The following CCDC102B variants were observed in gnomAD, a reference collection of about 807,000 sequenced individuals.
CCDC102B encodes the protein coiled-coil domain containing 102B.
A neutral mutation model predicts 57.4 loss-of-function variants in CCDC102B; 75 were observed. That is an observed-to-expected ratio of 1.31 (90% CI 1.08 to 1.58). The LOEUF is 1.58. Ranked by LOEUF, CCDC102B falls within the 40% of genes most tolerant of loss-of-function variation. CCDC102B has a pLI of 0.00. For missense variants in CCDC102B, 636 were observed against 582.6 expected, an observed-to-expected ratio of 1.09 and a Z score of -0.94; for synonymous variants, 206 against 201.9, an observed-to-expected ratio of 1.02 and a Z score of -0.17.
At chr18:68,876,386 A>G (rs901609890) in intron 5 of CCDC102B, among the ~76,000 whole-genome samples, 6 of 152,264 alleles carry the variant, frequency 3.9e-5, no homozygotes, top group South Asian at 2.1e-4. Flanking sequence ...GCAAATGTGA[A>G]TGATGCTAGG....
intron 7 of CCDC102B, among the ~76,000 whole-genome samples, chr18:69,035,775 G>A (rs1051901575): frequency 6.6e-6 from 1 of 152,078 alleles, no homozygotes; most frequent in Non-Finnish European, 1.5e-5. Flanking sequence ...AATTTACTCT[G>A]TATTAATGAT....
chr18:68,718,275 TATA>T (rs1300243682), intron 2 of CCDC102B: 1 of 152,188 alleles, frequency 6.6e-6, no homozygotes, highest in Non-Finnish European at 1.5e-5. Flanking sequence ...TGTCTAATAG[TATA>T]ATAGAGTAGA....
rs143482676 is a variant in CCDC102B, at chr18:68,897,429, G to T, written c.1263+1G>T. On this transcript the variant is annotated splice_donor_variant, in intron 6 of 7. Transcript: ENST00000360242. LOFTEE classifies it high-confidence loss of function. Reference sequence around the variant, plus strand: ...AATTGATCTGCAAGAAAAAAACCAGGTATGGGTGCTCCTTGGAGCAAATTC... The same window carrying T: ...AATTGATCTGCAAGAAAAAAACCAGTTATGGGTGCTCCTTGGAGCAAATTC... The T allele has an allele frequency of 4.5e-5, 72 of 1,610,582 alleles. No homozygotes were observed. The African/African-American group carries it at 8.6e-4, about 19-fold the overall frequency.
chr18:68,865,300 C>T (rs2038927166), intron 4 of CCDC102B, among the ~76,000 whole-genome samples: 2 of 152,066 alleles, frequency 1.3e-5, no homozygotes, highest in South Asian at 4.1e-4. Context: ...CTGCAATTCA[C>T]GAAGTGTCAG....
chr18:69,048,216 G>C (rs2052614190), intron 7 of CCDC102B, among the ~76,000 whole-genome samples: 1 of 151,324 alleles, frequency 6.6e-6, no homozygotes, highest in Admixed American at 6.6e-5. Flanking sequence ...AAGTGTGTGT[G>C]TGTGTGTTTT....
chr18:68,908,861 A>G (rs2145062342), intron 6 of CCDC102B, among the ~76,000 whole-genome samples: 1 of 152,278 alleles, frequency 6.6e-6, no homozygotes, highest in South Asian at 2.1e-4. Flanking sequence ...ACAGATTTAT[A>G]TGAGTGTATG....
At chr18:69,006,400 T>TATTG (rs1568119739) in intron 6 of CCDC102B, among the ~76,000 whole-genome samples, 7 of 74,574 alleles carry the variant, frequency 9.4e-5, no homozygotes, top group African/African-American at 3.1e-4. Context: ...GAGATTTATT[T>TATTG]ATTTATTTAT....
At chr18:68,975,865 G>A (rs201566232) in intron 6 of CCDC102B, among the ~76,000 whole-genome samples, 43 of 141,168 alleles carry the variant, frequency 3.0e-4, no homozygotes, top group Middle Eastern at 3.5e-3. Flanking sequence ...AAAAAAAAAA[G>A]CGTCTACCTG....
chr18:68,724,237 C>T (rs1336293829), intron 2 of CCDC102B, among the ~76,000 whole-genome samples: 4 of 152,198 alleles, frequency 2.6e-5, no homozygotes, highest in African/African-American at 9.6e-5. Context: ...AGTTTTTCCT[C>T]CTAGGCCTCT....
chr18:68,875,362 AAGG>A (rs1267116110), intron 5 of CCDC102B, among the ~76,000 whole-genome samples: 15 of 152,202 alleles, frequency 9.9e-5, no homozygotes, highest in Admixed American at 6.5e-4. Context: ...TCCTTGTAGA[AAGG>A]AGAAGGGATT....
At chr18:68,905,295 A>G (rs1391491948) in intron 6 of CCDC102B, among the ~76,000 whole-genome samples, 1 of 7,546 alleles carries the variant, frequency 1.3e-4, no homozygotes, top group Non-Finnish European at 3.3e-4. Context: ...TAACTAGCAT[A>G]CTACTAATAA....
intron 6 of CCDC102B, among the ~76,000 whole-genome samples, chr18:68,974,932 C>G (rs1312830800): frequency 2.6e-5 from 4 of 151,622 alleles, no homozygotes; most frequent in Non-Finnish European, 4.4e-5. Flanking sequence ...TTTACATAGG[C>G]TTTTTTAAAT....
intron 2 of CCDC102B, among the ~76,000 whole-genome samples, chr18:68,766,063 C>T (rs1384372294): frequency 6.6e-6 from 1 of 152,092 alleles, no homozygotes; most frequent in Non-Finnish European, 1.5e-5. Flanking sequence ...ACCATAGATA[C>T]ATTCAAGTAG....
chr18:68,979,777 T>C (rs1012275490), intron 6 of CCDC102B, among the ~76,000 whole-genome samples: 1 of 151,944 alleles, frequency 6.6e-6, no homozygotes, highest in African/African-American at 2.4e-5. Flanking sequence ...CCACTGCAGG[T>C]TGGCAGGTTC....
Position 68,758,938 on chromosome 18 carries a change from TAA to T in CCDC102B, c.-67+42354_-67+42355del, listed in dbSNP as rs551606637. Among the ~76,000 whole-genome samples the T allele has an allele frequency of 3.3e-3, 410 of 125,682 alleles. 1 individual carries two copies. Among genetic ancestry groups the T allele is most frequent in the African/African-American group, 0.012 (393 of 34,126 alleles). 82.5% of individuals were successfully genotyped at this position (125,682 alleles called of 152,430 possible). On this transcript the variant is annotated intron_variant, in intron 2 of 3. Coordinates refer to the CCDC102B transcript ENST00000578970. ...AAATCTATAAAGAGAGAAAAAAACC[TAA>T]AAAAAAAAACCTCAAATGGATGAAA...
chr18:68,995,259 G>T (rs1599815161), intron 6 of CCDC102B, among the ~76,000 whole-genome samples: 1 of 152,166 alleles, frequency 6.6e-6, no homozygotes, highest in Admixed American at 6.5e-5. Context: ...CTATAGAAAA[G>T]AAAACTCATT....
intron 6 of CCDC102B, among the ~76,000 whole-genome samples, chr18:68,943,557 A>G (rs1325342554): frequency 6.6e-6 from 1 of 152,170 alleles, no homozygotes; most frequent in Non-Finnish European, 1.5e-5. Flanking sequence ...CAAAAATTTG[A>G]ACAAAATGGA....
At position 68,803,430 on chromosome 18, in the gene CCDC102B, A is replaced by G. The variant is rs1025376969; in HGVS notation, c.-16+5249A>G. On this transcript the variant is annotated intron_variant, in intron 1 of 7. Transcript: ENST00000360242. ...AAAAGAACATTCAGGCTAAAAGGGA[A>G]TAGAATATTTACACACTCTTGAAAT... Among the ~76,000 whole-genome samples the G allele has an allele frequency of 2.8e-4, 43 of 152,246 alleles. 2 individuals are homozygous for G. The highest frequency in any genetic ancestry group is 2.6e-3 in the Admixed American group (40 of 15,280).
rs73463839 is a variant in CCDC102B, at chr18:68,924,614, G to A, written c.1263+27186G>A. ...TTTGGTTGGATGTATCAACAAAAGT[G>A]CAACATTGAAATCCTCTGGATGCTC... is the stretch of plus-strand genomic sequence containing the variant. On this transcript the variant is annotated intron_variant, in intron 6 of 7. Coordinates refer to ENST00000360242, the MANE Select transcript of CCDC102B (RefSeq NM_024781.3). Among the ~76,000 whole-genome samples, 802 of 152,152 alleles carry A rather than the reference G, an allele frequency of 5.3e-3. 4 individuals carry two copies. Among genetic ancestry groups the A allele is most frequent in the African/African-American group, 0.018 (742 of 41,518 alleles).
Sources: allele counts gnomAD v4.1 joint callset (sites outside exome capture counted in the v4.1 genomes callset), GRCh38; gene constraint gnomAD v4.1.1; transcripts MANE v1.5; gene names NCBI Gene and HGNC (gene_info 2026-07-23, HGNC 2026-07-21).